RFX8: variants seen among roughly 807,000 people sequenced by gnomAD.
The protein encoded by RFX8 is DNA-binding protein RFX8.
Under a neutral mutation model 54.6 loss-of-function variants are expected in RFX8, and 46 were observed. The observed-to-expected ratio is 0.84, with a 90% confidence interval of 0.67 to 1.08. The LOEUF (loss-of-function observed/expected upper bound fraction) is 1.08, where lower values mean the gene tolerates loss of function less well. RFX8 is among the 50% of genes least tolerant of loss of function. The pLI, the probability that RFX8 is intolerant of heterozygous loss-of-function variation, is 0.00. For synonymous variants in RFX8, 192 were observed against 209.5 expected, an observed-to-expected ratio of 0.92 and a Z score of 0.72; for missense variants, 536 against 562.3, an observed-to-expected ratio of 0.95 and a Z score of 0.47.
At chr2:101,474,319 C>G in intron 1 of RFX8, 1 of 462,874 alleles carries the variant, frequency 2.2e-6, no homozygotes, top group East Asian at 3.6e-5. Context: ...CAGCGAGCGG[C>G]GGCCGTGGGC....
intron 9 of RFX8, among the ~76,000 whole-genome samples, chr2:101,409,374 C>A (rs1685948590): frequency 6.6e-6 from 1 of 152,064 alleles, no homozygotes; most frequent in South Asian, 2.1e-4. Context: ...AGGCGCATGA[C>A]ATCACGCCCA....
chr2:101,404,381 A>G (rs963141961), intron 10 of RFX8, among the ~76,000 whole-genome samples: 1 of 152,200 alleles, frequency 6.6e-6, no homozygotes, highest in African/African-American at 2.4e-5. Flanking sequence ...CATTGATTTC[A>G]TATGGAGGTA....
chr2:101,462,312 C>T (rs1325121691), intron 2 of RFX8, among the ~76,000 whole-genome samples: 1 of 152,070 alleles, frequency 6.6e-6, no homozygotes, highest in African/African-American at 2.4e-5. Flanking sequence ...CACGTGTAGT[C>T]CCAGCTACTT....
rs10686930 is a variant in RFX8, at chr2:101,423,259, C to CAAA, written c.73-790_73-788dup. On this transcript the variant is annotated intron_variant, in intron 2 of 11. Coordinates refer to ENST00000428343, the MANE Select transcript of RFX8 (RefSeq NM_001145664.2). ...GGCGACAAAGAGCAAAACTCCATCT[C>CAAA]AAAAAAAAAAAAAAAAAGAAGCAAT... Among the ~76,000 whole-genome samples the CAAA allele has an allele frequency of 5.5e-3, 537 of 96,942 alleles. 7 individuals carry two copies. The highest frequency in any genetic ancestry group is 0.014 in the African/African-American group (352 of 25,142). 63.6% of individuals were successfully genotyped at this position (96,942 alleles called of 152,430 possible).
intron 2 of RFX8, among the ~76,000 whole-genome samples, chr2:101,440,479 G>T (rs187619602): frequency 1.1e-4 from 17 of 152,334 alleles, no homozygotes; most frequent in African/African-American, 4.1e-4. Context: ...AACTTTAGGT[G>T]CCGAGTCGCT....
In RFX8 at chr2:101,452,426, C is replaced by T. The variant is rs181902056; in HGVS notation, c.72+14351G>A. On this transcript the variant is annotated intron_variant, in intron 2 of 11. Transcript: ENST00000428343. ...TGCCCAGCCTCCGGGTGCCAAGGTC[C>T]GGAAAAACCAATCTCACAAGCTAAA... 3.4e-4 allele frequency: 457 copies of T among 1,359,760 alleles called. 1 individual carries two copies. In the African/African-American group the frequency reaches 5.1e-3, roughly 15 times the overall value. The allele number at this position is 1,359,760 out of a possible 1,614,324, so 84.2% of individuals were successfully genotyped here. A position where few individuals can be genotyped will look rare whatever the true frequency, so the allele number is the denominator to read the frequency against.
chr2:101,423,274 A>G (rs970448472), intron 2 of RFX8, among the ~76,000 whole-genome samples: 1 of 151,662 alleles, frequency 6.6e-6, no homozygotes, highest in Admixed American at 6.6e-5. Context: ...AAAAAAAAAA[A>G]AAGAAGCAAT....
intron 7 of RFX8, among the ~76,000 whole-genome samples, chr2:101,413,286 G>A (rs372381295): frequency 6.6e-6 from 1 of 152,178 alleles, no homozygotes; most frequent in Non-Finnish European, 1.5e-5. Context: ...CGCATCTCTA[G>A]GAAGATGCGT....
Position 101,427,951 on chromosome 2 carries a change from C to T in RFX8, c.73-5479G>A, listed in dbSNP as rs142796532. Among the ~76,000 whole-genome samples the T allele has an allele frequency of 5.6e-4, 86 of 152,254 alleles. 2 individuals carry two copies. The East Asian group carries it at 9.5e-3, about 17-fold the overall frequency. The stretch of plus-strand genomic sequence containing the variant: ...CTTGTCAACAAGACAGTATCTGTTA[C>T]GGACAGAATGTTGTTATCCCCCCCG... On this transcript the variant is annotated intron_variant, in intron 2 of 11. Transcript: ENST00000428343.
chr2:101,469,018 GTA>G (rs1177513761), intron 1 of RFX8, among the ~76,000 whole-genome samples: 33 of 21,476 alleles, frequency 1.5e-3, no homozygotes, highest in Non-Finnish European at 3.8e-3. Flanking sequence ...ATATATATAG[GTA>G]TATATATATA....
intron 1 of RFX8, among the ~76,000 whole-genome samples, chr2:101,470,657 T>C (rs531493428): frequency 3.9e-4 from 59 of 151,596 alleles, no homozygotes; most frequent in African/African-American, 1.4e-3. Context: ...TGATGATTAC[T>C]GACCTCAGAG....
Position 101,405,205 on chromosome 2 carries a change from G to T in RFX8, c.928+738C>A, listed in dbSNP as rs115926101. On this transcript the variant is annotated intron_variant, in intron 10 of 11. Transcript: ENST00000428343. ...CTTGTCACCCAGGCTGGAGTGCGTT[G>T]GTGCAATCTCAGCTCGCCACAACTT... Among the ~76,000 whole-genome samples, 1,049 of 150,566 alleles carry T rather than the reference G, an allele frequency of 7.0e-3. 11 individuals are homozygous for T. The highest frequency in any genetic ancestry group is 0.023 in the African/African-American group (924 of 40,822).
rs114594654 is a variant in RFX8, at chr2:101,460,631, A to T, written c.72+6146T>A. Among the ~76,000 whole-genome samples the T allele has an allele frequency of 6.2e-3, 947 of 152,156 alleles. 9 individuals are homozygous for T. Among genetic ancestry groups the T allele is most frequent in the African/African-American group, 0.022 (917 of 41,528 alleles). Reference sequence around the variant, plus strand: ...GAAATTACAAAACACAGAGCAGGGAAGCCACGGTATTTGGAGCTGTCAAGT... The same window carrying T: ...GAAATTACAAAACACAGAGCAGGGATGCCACGGTATTTGGAGCTGTCAAGT... On this transcript the variant is annotated intron_variant, in intron 2 of 11. Transcript: ENST00000428343.
chr2:101,473,033 G>A (rs1472280680), intron 1 of RFX8, among the ~76,000 whole-genome samples: 4 of 151,942 alleles, frequency 2.6e-5, no homozygotes, highest in Non-Finnish European at 2.9e-5. Flanking sequence ...AAAAAAGAGA[G>A]AAAAGAAAGA....
At chr2:101,439,839 A>C (rs1173347306) in intron 2 of RFX8, among the ~76,000 whole-genome samples, 4 of 151,976 alleles carry the variant, frequency 2.6e-5, no homozygotes, top group Non-Finnish European at 4.4e-5. Flanking sequence ...GCCTCCCGAC[A>C]TGCTAGAATG....
chr2:101,423,423 G>A (rs926069363), intron 2 of RFX8, among the ~76,000 whole-genome samples: 1 of 152,082 alleles, frequency 6.6e-6, no homozygotes, highest in Admixed American at 6.5e-5. Context: ...TGAATAAAGG[G>A]TATCAATTTT....
In RFX8 at chr2:101,397,479, CTTTAGTA is replaced by C; in HGVS notation, c.*62_*68del. ...ACATCATCTTTCGTCAATAGAAAAA[CTTTAGTA>C]TTTAATATTTTTAAGAATGCAAGTC... On this transcript the variant is annotated 3_prime_UTR_variant, in exon 12 of 12. Transcript: ENST00000428343. 9.5e-7 allele frequency: 1 copy of C among 1,048,702 alleles called. No homozygotes were observed. The highest frequency in any genetic ancestry group is 1.3e-6 in the Non-Finnish European group (1 of 744,486). 65.0% of individuals were successfully genotyped at this position (1,048,702 alleles called of 1,614,324 possible).
At chr2:101,405,880 C>A in intron 10 of RFX8, 63 bp downstream of exon 10, 2 of 1,049,100 alleles carry the variant, frequency 1.9e-6, no homozygotes, top group Non-Finnish European at 2.8e-6. Context: ...ACGCAAAATA[C>A]TTATGCCATA....
chr2:101,455,811 T>C (rs1486161109), intron 2 of RFX8, among the ~76,000 whole-genome samples: 21 of 152,210 alleles, frequency 1.4e-4, no homozygotes. Flanking sequence ...TTGGGCAGTA[T>C]GGCCATTTTC....
Sources: allele counts gnomAD v4.1 joint callset (sites outside exome capture counted in the v4.1 genomes callset), GRCh38; gene constraint gnomAD v4.1.1; transcripts MANE v1.5; gene names NCBI Gene and HGNC (gene_info 2026-07-23, HGNC 2026-07-21).